RFTN1: variants seen among roughly 807,000 people sequenced by gnomAD.
The protein encoded by RFTN1 is raftlin.
A neutral mutation model predicts 46.5 loss-of-function variants in RFTN1; 26 were observed. The ratio of observed to expected loss-of-function variants is 0.56; its 90% CI spans 0.41 to 0.78. RFTN1 has a LOEUF of 0.78. RFTN1 is among the 30% of genes least tolerant of loss of function. The pLI, the probability that RFTN1 is intolerant of heterozygous loss-of-function variation, is 0.00. For synonymous variants in RFTN1, 261 were observed against 284.2 expected (o/e 0.92, Z 0.82); for missense variants, 693 against 718.7 (o/e 0.96, Z 0.41).
At chr3:16,369,918 A>C (rs957833400) in intron 6 of RFTN1, among the ~76,000 whole-genome samples, 158 bp downstream of exon 6, 2 of 152,340 alleles carry the variant, frequency 1.3e-5, no homozygotes, top group South Asian at 2.1e-4. Flanking sequence ...GGCTTTATGG[A>C]AAGTTCCTCA....
At chr3:16,393,396 A>G (rs11714754) in intron 4 of RFTN1, among the ~76,000 whole-genome samples, 2 of 152,202 alleles carry the variant, frequency 1.3e-5, no homozygotes, top group African/African-American at 2.4e-5. Context: ...AATGCACATA[A>G]GACAGAAAGT....
rs969278044 is a variant in RFTN1, at chr3:16,345,485, A to G, written c.1146+12447T>C. Among the ~76,000 whole-genome samples the G allele has an allele frequency of 6.6e-6, 1 of 152,158 alleles. No individual in the cohort carries two copies. Among genetic ancestry groups the G allele is most frequent in the Non-Finnish European group, 1.5e-5 (1 of 68,030 alleles). ...GCATTTGAATGGGTCAACTGAGTAG[A>G]CCAGATGGCCCTCCCCAGTGTGGGT... On this transcript the variant is annotated intron_variant, in intron 7 of 9. Transcript: ENST00000334133. This position sits in a 1 kb window ranked among gnomAD's most constrained non-coding sequence, Gnocchi z 5.2.
In RFTN1 at chr3:16,449,466, T is replaced by A. The variant is rs548292506; in HGVS notation, c.146-15429A>T. 6.6e-6 allele frequency among the ~76,000 whole-genome samples: 1 copy of A among 152,186 alleles called. No homozygotes were observed. Among genetic ancestry groups the A allele is most frequent in the Non-Finnish European group, 1.5e-5 (1 of 68,016 alleles). ...TAACACCTTTCTCATCAGGCTGCTA[T>A]GAAGATTGAGATAATGCACATAAAG... On this transcript the variant is annotated intron_variant, in intron 2 of 9. Transcript: ENST00000334133. The surrounding 1 kb of genome is among the most constrained non-coding windows in gnomAD (Gnocchi z 5.1).
chr3:16,472,589 G>A (rs2076217335), intron 2 of RFTN1: 1 of 152,292 alleles, frequency 6.6e-6, no homozygotes, highest in Admixed American at 6.5e-5. Flanking sequence ...AGGAGGCATT[G>A]ATGAGAACTC....
rs796214636 is a variant in RFTN1, at chr3:16,329,065, G to A, written c.1147-2189C>T. On this transcript the variant is annotated intron_variant, in intron 7 of 9. Transcript: ENST00000334133. This position sits in a 1 kb window ranked among gnomAD's most constrained non-coding sequence, Gnocchi z 4.5. Reference sequence around the variant, plus strand: ...TTGAATGGTGAGGCCTGGTGGGAGTGTTTAGGTCAGAAGGGCTCCACTCTT... The same window carrying A: ...TTGAATGGTGAGGCCTGGTGGGAGTATTTAGGTCAGAAGGGCTCCACTCTT... Among the ~76,000 whole-genome samples the A allele has an allele frequency of 1.8e-4, 27 of 152,354 alleles. No homozygotes were observed. Among genetic ancestry groups the A allele is most frequent in the African/African-American group, 6.5e-4 (27 of 41,586 alleles).
rs1553718055 is a variant in RFTN1 at position 16,324,613 on chromosome 3, A to ACCGC, written c.1251-1157_1251-1156insGCGG. ...TGTAATAAATAACAGAATGTCCCTG[A>ACCGC]CCCCCCCCCTTTTAAGGTTGCATAG... On this transcript the variant is annotated intron_variant, in intron 8 of 9. Transcript: ENST00000334133. 1.3e-4 allele frequency among the ~76,000 whole-genome samples: 12 copies of ACCGC among 90,828 alleles called. 1 individual carries two copies. The highest frequency in any genetic ancestry group is 8.2e-4 in the Admixed American group (7 of 8,568). The allele number at this position is 90,828 out of a possible 152,430, so 59.6% of individuals were successfully genotyped here.
At chr3:16,354,881 T>C (rs201667004) in intron 7 of RFTN1, among the ~76,000 whole-genome samples, 70 of 152,330 alleles carry the variant, frequency 4.6e-4, no homozygotes, top group African/African-American at 1.6e-3. Context: ...AGTTCGTCCC[T>C]CTTTGGTTCT....
chr3:16,464,079 T>C (rs962987460), intron 2 of RFTN1, among the ~76,000 whole-genome samples: 2 of 152,156 alleles, frequency 1.3e-5, no homozygotes, highest in African/African-American at 4.8e-5. Flanking sequence ...TCCGGAGGGA[T>C]TCTGCTTATC....
chr3:16,390,424 C>G (rs762626471), intron 4 of RFTN1, among the ~76,000 whole-genome samples: 1 of 152,180 alleles, frequency 6.6e-6, no homozygotes, highest in Non-Finnish European at 1.5e-5. Context: ...TTGTAACTAG[C>G]CTCTCAGTTT....
At chr3:16,392,551 C>T (rs1190217288) in intron 4 of RFTN1, among the ~76,000 whole-genome samples, 1 of 151,592 alleles carries the variant, frequency 6.6e-6, no homozygotes, top group Non-Finnish European at 1.5e-5. Context: ...AAAACATGTT[C>T]CAGCTCATAA....
In RFTN1 at chr3:16,447,728, A is replaced by G. The variant is rs1260820825; in HGVS notation, c.146-13691T>C. Among the ~76,000 whole-genome samples the G allele has an allele frequency of 6.6e-6, 1 of 152,226 alleles. No individual in the cohort carries two copies. The highest frequency in any genetic ancestry group is 1.9e-4 in the East Asian group (1 of 5,200). ...TAATACAACGAAGCAATCAGGTGAAAATCATTTCTAATTACACCCAGAAGA... is the reference window on the plus strand; with the variant it reads ...TAATACAACGAAGCAATCAGGTGAAGATCATTTCTAATTACACCCAGAAGA... On this transcript the variant is annotated intron_variant, in intron 2 of 9. Coordinates refer to ENST00000334133, the MANE Select transcript of RFTN1 (RefSeq NM_015150.2). The surrounding 1 kb of genome is among the most constrained non-coding windows in gnomAD (Gnocchi z 5.9).
At chr3:16,470,074 T>C (rs2076168549) in intron 2 of RFTN1, among the ~76,000 whole-genome samples, 1 of 152,124 alleles carries the variant, frequency 6.6e-6, no homozygotes. Context: ...ACCCAGAAAC[T>C]TGTGTTCTGA....
At position 16,321,085 on chromosome 3, in the gene RFTN1, A is replaced by G. The variant is rs533454441; in HGVS notation, c.1332+2291T>C. On this transcript the variant is annotated intron_variant, in intron 9 of 9. Transcript: ENST00000334133. The surrounding 1 kb of genome is among the most constrained non-coding windows in gnomAD (Gnocchi z 4.8). ...GATAGATTGAATATAGGGGAAGGAG[A>G]GGGGAGGGTCAGCAGGGATAGCCCC... Among the ~76,000 whole-genome samples the G allele has an allele frequency of 2.0e-5, 3 of 152,032 alleles. No homozygotes were observed. In the South Asian group the frequency reaches 6.2e-4, roughly 32 times the overall value.
At chr3:16,325,895 G>T (rs553144714) in intron 8 of RFTN1, among the ~76,000 whole-genome samples, 24 of 152,348 alleles carry the variant, frequency 1.6e-4, no homozygotes, top group Middle Eastern at 3.4e-3. Context: ...GCTTGGGGAA[G>T]GTGGAGCTCT....
Position 16,347,107 on chromosome 3 carries a change from T to C in RFTN1, c.1146+10825A>G, listed in dbSNP as rs892490207. On this transcript the variant is annotated intron_variant, in intron 7 of 9. Transcript: ENST00000334133. ...GCCTTTCCCCCATTCTGGCCCTTTC[T>C]CCAGGGCCAATTGTCCCAGTGTACA... Among the ~76,000 whole-genome samples, 17 of 152,300 alleles carry C rather than the reference T, an allele frequency of 1.1e-4. 2 individuals carry two copies. Among genetic ancestry groups the C allele is most frequent in the East Asian group, 3.9e-4 (2 of 5,186 alleles).
rs926114786 is a variant in RFTN1, at chr3:16,446,194, C to T, written c.146-12157G>A. Among the ~76,000 whole-genome samples the T allele has an allele frequency of 1.3e-5, 2 of 151,818 alleles. No individual in the cohort carries two copies. The highest frequency in any genetic ancestry group is 2.9e-5 in the Non-Finnish European group (2 of 67,996). ...TCTGGGGTCCCCATATTCCCTGGGC[C>T]CTAAAGCAGATTAGCCACAAGACCA... On this transcript the variant is annotated intron_variant, in intron 2 of 9. Transcript: ENST00000334133. The surrounding 1 kb of genome is among the most constrained non-coding windows in gnomAD (Gnocchi z 4.5).
At chr3:16,404,524 G>T (rs1013773056) in intron 4 of RFTN1, among the ~76,000 whole-genome samples, 2 of 147,834 alleles carry the variant, frequency 1.4e-5, no homozygotes, top group East Asian at 2.0e-4. Context: ...ACTAGAGCTC[G>T]CCAGACTAAG....
At chr3:16,503,388 C>T (rs1447966251) in intron 1 of RFTN1, among the ~76,000 whole-genome samples, 1 of 152,188 alleles carries the variant, frequency 6.6e-6, no homozygotes, top group African/African-American at 2.4e-5. Flanking sequence ...GTGGCAGTGG[C>T]TCTTAATCTT....
rs1246776966 is a variant in RFTN1, at chr3:16,361,729, C to T, written c.1031-3682G>A. 6.6e-6 allele frequency among the ~76,000 whole-genome samples: 1 copy of T among 152,272 alleles called. No individual in the cohort carries two copies. The highest frequency in any genetic ancestry group is 2.4e-5 in the African/African-American group (1 of 41,558). On this transcript the variant is annotated intron_variant, in intron 6 of 9. Coordinates refer to ENST00000334133, the MANE Select transcript of RFTN1 (RefSeq NM_015150.2). This position sits in a 1 kb window ranked among gnomAD's most constrained non-coding sequence, Gnocchi z 4.3. The stretch of plus-strand genomic sequence containing the variant: ...CTTAGGGCTCTGTTCATCTGACTTG[C>T]TTGGCCAATGGGATATTAGCAGGTG...
Sources: allele counts gnomAD v4.1 joint callset (sites outside exome capture counted in the v4.1 genomes callset), GRCh38; gene constraint gnomAD v4.1.1; non-coding constraint Gnocchi (gnomAD v3.1); transcripts MANE v1.5; gene names NCBI Gene and HGNC (gene_info 2026-07-23, HGNC 2026-07-21).